GABRG3: variants seen among roughly 807,000 people sequenced by gnomAD.
GABRG3 encodes gamma-aminobutyric acid type A receptor subunit gamma3.
Under a neutral mutation model 48.8 loss-of-function variants are expected in GABRG3, and 25 were observed. The ratio of observed to expected loss-of-function variants is 0.51; its 90% CI spans 0.37 to 0.72. The LOEUF (loss-of-function observed/expected upper bound fraction) is 0.72. Among genes scored for constraint, GABRG3 ranks in the 30% least tolerant of loss-of-function variants. GABRG3 has a pLI of 0.00. For synonymous variants in GABRG3, 227 were observed against 217.6 expected, an observed-to-expected ratio of 1.04 and a Z score of -0.38; for missense variants, 394 against 577.9, an observed-to-expected ratio of 0.68 and a Z score of 3.26.
At chr15:27,205,969 A>G (rs1566964836) in intron 3 of GABRG3, among the ~76,000 whole-genome samples, 1 of 151,992 alleles carries the variant, frequency 6.6e-6, no homozygotes, top group Non-Finnish European at 1.5e-5. Context: ...TTTAAAAATT[A>G]GTCTAGCTAC....
At chr15:27,488,533 G>A (rs1341585315) in intron 6 of GABRG3, among the ~76,000 whole-genome samples, 4 of 152,176 alleles carry the variant, frequency 2.6e-5, no homozygotes, top group South Asian at 4.1e-4. Flanking sequence ...TAAGGACCTT[G>A]TGAGGATTGA....
intron 3 of GABRG3, among the ~76,000 whole-genome samples, chr15:27,055,495 A>G (rs1354249029): frequency 1.3e-5 from 2 of 152,186 alleles, no homozygotes; most frequent in African/African-American, 4.8e-5. Context: ...GTGAGCACTG[A>G]CCTAATGCGA....
chr15:26,988,024 C>A (rs1449294505), intron 2 of GABRG3, among the ~76,000 whole-genome samples: 1 of 152,132 alleles, frequency 6.6e-6, no homozygotes, highest in Non-Finnish European at 1.5e-5. Context: ...AAAGAACATA[C>A]TCTGAATAAC....
intron 3 of GABRG3, among the ~76,000 whole-genome samples, chr15:27,047,085 T>C (rs987333870): frequency 1.3e-5 from 2 of 152,232 alleles, no homozygotes; most frequent in African/African-American, 4.8e-5. Context: ...TGCATAATTT[T>C]TCATGCTGGT....
At chr15:27,351,116 GTGTA>G (rs1459833581) in intron 5 of GABRG3, among the ~76,000 whole-genome samples, 1 of 150,128 alleles carries the variant, frequency 6.7e-6, no homozygotes, top group Non-Finnish European at 1.5e-5. Flanking sequence ...TATGGTGTGT[GTGTA>G]TGGTGCGTGT....
intron 1 of GABRG3, among the ~76,000 whole-genome samples, chr15:26,973,394 A>T (rs1300642388): frequency 1.3e-5 from 2 of 152,204 alleles, no homozygotes; most frequent in African/African-American, 4.8e-5. Flanking sequence ...CAGTTAAAAA[A>T]TCCAAATTTT....
At chr15:27,513,529 A>G (rs1189344571) in intron 6 of GABRG3, among the ~76,000 whole-genome samples, 1 of 152,220 alleles carries the variant, frequency 6.6e-6, no homozygotes, top group African/African-American at 2.4e-5. Context: ...ATTGTCAGGA[A>G]TATGAAGAAC....
chr15:27,398,384 T>C (rs547578957), intron 5 of GABRG3, among the ~76,000 whole-genome samples: 1 of 152,316 alleles, frequency 6.6e-6, no homozygotes, highest in Admixed American at 6.5e-5. Flanking sequence ...TTTACTCTCA[T>C]GCGACATATT....
At chr15:27,066,601 T>C (rs769526743) in intron 3 of GABRG3, among the ~76,000 whole-genome samples, 3 of 152,148 alleles carry the variant, frequency 2.0e-5, no homozygotes. Flanking sequence ...ACAAGTGGTA[T>C]CCACAGGTGC....
intron 3 of GABRG3, among the ~76,000 whole-genome samples, chr15:27,036,473 T>G (rs953960596): frequency 1.3e-5 from 2 of 152,128 alleles, no homozygotes; most frequent in Admixed American, 6.5e-5. Flanking sequence ...GGGCGGATCA[T>G]GAGGTCAGGA....
At chr15:27,419,921 A>G (rs1260803911) in intron 5 of GABRG3, among the ~76,000 whole-genome samples, 1 of 152,240 alleles carries the variant, frequency 6.6e-6, no homozygotes, top group Non-Finnish European at 1.5e-5. Flanking sequence ...GATGTCTTTA[A>G]AACACTCCAA....
At chr15:27,011,810 T>C (rs1050074192) in intron 2 of GABRG3, among the ~76,000 whole-genome samples, 2 of 148,656 alleles carry the variant, frequency 1.3e-5, no homozygotes, top group Non-Finnish European at 3.0e-5. Flanking sequence ...ATCATGCCAC[T>C]GTACTCCAGG....
At chr15:27,460,667 T>C (rs1595768924) in intron 5 of GABRG3, among the ~76,000 whole-genome samples, 1 of 152,132 alleles carries the variant, frequency 6.6e-6, no homozygotes, top group East Asian at 1.9e-4. Context: ...ACTCTCTGAT[T>C]TGTGATCGGC....
At chr15:27,117,653 A>G (rs1343527830) in intron 3 of GABRG3, among the ~76,000 whole-genome samples, 1 of 152,238 alleles carries the variant, frequency 6.6e-6, no homozygotes, top group Non-Finnish European at 1.5e-5. Context: ...TCAGATTATT[A>G]GAAAGTTTTT....
chr15:27,124,872 T>C (rs1315116562), intron 3 of GABRG3, among the ~76,000 whole-genome samples: 1 of 152,236 alleles, frequency 6.6e-6, no homozygotes, highest in Non-Finnish European at 1.5e-5. Context: ...CCTTTTTCTT[T>C]TTCAGCAGTG....
At chr15:27,222,366 A>G (rs534505526) in intron 3 of GABRG3, among the ~76,000 whole-genome samples, 29 of 152,368 alleles carry the variant, frequency 1.9e-4, no homozygotes, top group African/African-American at 7.0e-4. Context: ...AGAGTACCTG[A>G]GAGATACTTA....
intron 3 of GABRG3, among the ~76,000 whole-genome samples, chr15:27,314,621 G>T (rs1471191059): frequency 6.6e-6 from 1 of 152,210 alleles, no homozygotes; most frequent in Non-Finnish European, 1.5e-5. Context: ...TCCAGTGGTT[G>T]TTGCACCAGT....
intron 5 of GABRG3, among the ~76,000 whole-genome samples, chr15:27,421,161 ATAGT>A (rs1888102017): frequency 6.6e-6 from 1 of 152,298 alleles, no homozygotes; most frequent in East Asian, 1.9e-4. Context: ...TGCTGAGCTG[ATAGT>A]TAAGGCCAAG....
intron 2 of GABRG3, among the ~76,000 whole-genome samples, chr15:26,980,870 A>T (rs1372273076): frequency 1.3e-5 from 2 of 151,920 alleles, no homozygotes; most frequent in African/African-American, 4.8e-5. Flanking sequence ...TTAACTCATG[A>T]ATTATTTAGA....
Sources: gnomAD v4.1 joint callset for allele counts (sites outside exome capture counted in the v4.1 genomes callset) on GRCh38, gnomAD v4.1.1 for gene constraint, MANE v1.5 for transcripts, NCBI Gene and HGNC (gene_info 2026-07-23, HGNC 2026-07-21) for gene names.